The following CCDC171 variants were observed in gnomAD, a reference collection of about 807,000 sequenced individuals.
CCDC171 encodes the protein coiled-coil domain containing 171.
A neutral mutation model predicts 168.2 loss-of-function variants in CCDC171; 177 were observed. The observed-to-expected ratio is 1.05, with a 90% CI of 0.93 to 1.19. The LOEUF is 1.19. Among genes scored for constraint, CCDC171 ranks in the 50% most tolerant of loss-of-function variants. CCDC171 has a pLI of 0.00. For synonymous variants in CCDC171, 687 were observed against 540.8 expected (o/e 1.27, Z -3.75); for missense variants, 1,991 against 1,539.0 (o/e 1.29, Z -4.91).
At chr9:16,057,804 T>C (rs981237204) in intron 1 of CCDC171, among the ~76,000 whole-genome samples, 1 of 152,174 alleles carries the variant, frequency 6.6e-6, no homozygotes, top group Admixed American at 6.5e-5. Flanking sequence ...ATGATATTCC[T>C]GGATCCACTC....
chr9:15,752,723 C>G (rs1259543125), intron 18 of CCDC171, among the ~76,000 whole-genome samples: 1 of 152,058 alleles, frequency 6.6e-6, no homozygotes, highest in Admixed American at 6.6e-5. Context: ...AGGAGAACAT[C>G]ACACACCAGG....
chr9:15,976,631 A>G (rs1203766607), downstream of CCDC171, among the ~76,000 whole-genome samples: 2 of 151,802 alleles, frequency 1.3e-5, no homozygotes, highest in Non-Finnish European at 2.9e-5. Context: ...TCACAGCTTA[A>G]AATAATGATA....
At chr9:15,631,417 T>C (rs529523867) in intron 7 of CCDC171, among the ~76,000 whole-genome samples, 1 of 151,820 alleles carries the variant, frequency 6.6e-6, no homozygotes, top group African/African-American at 2.4e-5. Flanking sequence ...AACTAGAAAA[T>C]CTTGAAGAAA....
At chr9:15,676,928 T>G (rs2049617392) in intron 9 of CCDC171, among the ~76,000 whole-genome samples, 1 of 152,180 alleles carries the variant, frequency 6.6e-6, no homozygotes, top group Non-Finnish European at 1.5e-5. Context: ...GGTTTACTTA[T>G]GTTACATTAT....
At chr9:15,806,570 G>T (rs889472203) in intron 21 of CCDC171, among the ~76,000 whole-genome samples, 4 of 152,152 alleles carry the variant, frequency 2.6e-5, no homozygotes, top group Non-Finnish European at 4.4e-5. Context: ...CCTCCAATCT[G>T]TTCTTGCTTG....
At chr9:16,076,833 G>T in the CCDC171 span, among the ~76,000 whole-genome samples, 1 of 152,256 alleles carries the variant, frequency 6.6e-6, no homozygotes, top group African/African-American at 2.4e-5. Flanking sequence ...TCCATATCGT[G>T]GGCCTGCAAA....
At chr9:15,975,539 A>G (rs1178814708), downstream of CCDC171, among the ~76,000 whole-genome samples, 1 of 152,186 alleles carries the variant, frequency 6.6e-6, no homozygotes, top group Admixed American at 6.6e-5. Flanking sequence ...TATCTTTCAA[A>G]GGAAACACCA....
intron 11 of CCDC171, among the ~76,000 whole-genome samples, chr9:15,696,060 C>T (rs1373953170): frequency 6.6e-6 from 1 of 152,046 alleles, no homozygotes; most frequent in Non-Finnish European, 1.5e-5. Context: ...TTTCTTTTGC[C>T]CTGCTTTCAG....
At chr9:16,044,358 C>A (rs1833620319) in intron 1 of CCDC171, among the ~76,000 whole-genome samples, 1 of 152,160 alleles carries the variant, frequency 6.6e-6, no homozygotes, top group African/African-American at 2.4e-5. Flanking sequence ...GTTACTTCTT[C>A]CAAATTGTAT....
At chr9:16,082,182 A>G in the CCDC171 span, among the ~76,000 whole-genome samples, 1 of 152,242 alleles carries the variant, frequency 6.6e-6, no homozygotes, top group Non-Finnish European at 1.5e-5. Flanking sequence ...AACTGCCCTT[A>G]GGAAAGGTAT....
chr9:16,043,590 A>G (rs1317704358), intron 1 of CCDC171, among the ~76,000 whole-genome samples: 2 of 152,178 alleles, frequency 1.3e-5, no homozygotes, highest in East Asian at 3.9e-4. Flanking sequence ...CTCAGCACCA[A>G]AAGGGCCACA....
rs143279568 is a variant in CCDC171 at position 15,623,295 on chromosome 9, A to G, written c.704A>G (p.His235Arg). ...CAAGATACTGCTGTGCAAAATATGC[A>G]TAAGAAAGTAGAAAAATTAGAAACA... Reference protein sequence around the residue: ...QEQDTAVQNMHKKVEKLETEH... With the variant: ...QEQDTAVQNMRKKVEKLETEH... The change falls in exon 7 of 26, where the codon CAT (histidine) becomes CGT (arginine). Residue 235 changes from histidine (H) to arginine (R), a missense_variant. His to Arg is a conservative substitution (Grantham distance 29). Transcript: ENST00000380701. 5.8e-5 allele frequency: 93 copies of G among 1,598,130 alleles called. No homozygotes were observed. In the African/African-American group the frequency reaches 1.1e-3, roughly 18 times the overall value.
intron 24 of CCDC171, among the ~76,000 whole-genome samples, chr9:15,893,074 G>A (rs369294307): frequency 6.6e-6 from 1 of 152,258 alleles, no homozygotes; most frequent in East Asian, 1.9e-4. Context: ...CACGGTACTT[G>A]TATAAGCACA....
chr9:15,832,024 G>A (rs2060254897), intron 21 of CCDC171, among the ~76,000 whole-genome samples: 1 of 151,792 alleles, frequency 6.6e-6, no homozygotes. Context: ...TTGTTTGTTT[G>A]TTTTGGTAAA....
At chr9:15,856,040 A>G (rs2061337571) in intron 23 of CCDC171, among the ~76,000 whole-genome samples, 1 of 151,922 alleles carries the variant, frequency 6.6e-6, no homozygotes. Flanking sequence ...AATTTGAGTT[A>G]CTGTCTAGTA....
chr9:15,894,578 C>T (rs1820658936), intron 24 of CCDC171, among the ~76,000 whole-genome samples: 1 of 152,040 alleles, frequency 6.6e-6, no homozygotes, highest in Non-Finnish European at 1.5e-5. Flanking sequence ...CTCTCCAACT[C>T]CATCACCTTA....
chr9:15,793,200 A>G (rs1308622959), intron 21 of CCDC171, among the ~76,000 whole-genome samples: 4 of 151,960 alleles, frequency 2.6e-5, no homozygotes, highest in East Asian at 1.9e-4. Flanking sequence ...CAGACTTTAA[A>G]CCAACAAAGA....
At chr9:15,718,884 A>G (rs2053265236) in intron 11 of CCDC171, among the ~76,000 whole-genome samples, 1 of 152,226 alleles carries the variant, frequency 6.6e-6, no homozygotes, top group Admixed American at 6.5e-5. Context: ...TCCAGACTGC[A>G]TAGACTAAAA....
At position 15,578,966 on chromosome 9, in the gene CCDC171, A is replaced by G. The variant is rs367731312; in HGVS notation, c.295A>G (p.Arg99Gly). 16 of 1,614,004 alleles carry G rather than the reference A, an allele frequency of 9.9e-6. No homozygotes were observed. Among genetic ancestry groups the G allele is most frequent in the Middle Eastern group, 3.3e-4 (2 of 6,084 alleles). Residue 99 changes from arginine to glycine, a missense_variant, in exon 4 of 26, where the codon AGA (arginine) becomes GGA (glycine). Coordinates refer to ENST00000380701, the MANE Select transcript of CCDC171 (RefSeq NM_173550.4). Reference protein sequence around the residue: ...AVARKEAGLGRRAAEERLAEA... With the variant: ...AVARKEAGLGGRAAEERLAEA... ...TGCTAGAAAGGAAGCTGGTCTTGGAAGACGGGCTGCTGAAGAAAGATTAGC... is the reference window on the plus strand; with the variant it reads ...TGCTAGAAAGGAAGCTGGTCTTGGAGGACGGGCTGCTGAAGAAAGATTAGC...
Sources: gnomAD v4.1 joint callset for allele counts (sites outside exome capture counted in the v4.1 genomes callset) on GRCh38, gnomAD v4.1.1 for gene constraint, MANE v1.5 for transcripts, NCBI Gene and HGNC (gene_info 2026-07-23, HGNC 2026-07-21) for gene names.